CDH8: variants seen among roughly 807,000 people sequenced by gnomAD.
CDH8 encodes cadherin-8.
Under a neutral mutation model 68.1 loss-of-function variants are expected in CDH8, and 17 were observed. The observed-to-expected ratio is 0.25, with a 90% CI of 0.17 to 0.37. The LOEUF (loss-of-function observed/expected upper bound fraction) is 0.37. CDH8 is among the 10% of genes least tolerant of loss of function. The pLI, the probability that CDH8 is intolerant of heterozygous loss-of-function variation, is 1.00. For synonymous variants in CDH8, 372 were observed against 365.1 expected (o/e 1.02, Z -0.21); for missense variants, 763 against 999.3 (o/e 0.76, Z 3.19).
intron 1 of CDH8, among the ~76,000 whole-genome samples, chr16:62,035,706 C>A (rs1902440405): frequency 6.6e-6 from 1 of 152,114 alleles, no homozygotes; most frequent in Admixed American, 6.5e-5. Flanking sequence ...ACGGACCCCG[C>A]AGTGAAGGCG....
chr16:61,790,747 T>C (rs954344515), intron 7 of CDH8, among the ~76,000 whole-genome samples: 2 of 151,944 alleles, frequency 1.3e-5, no homozygotes, highest in African/African-American at 2.4e-5. Context: ...TTTAGTAGAG[T>C]TCATTGAAAA....
intron 2 of CDH8, among the ~76,000 whole-genome samples, chr16:62,001,844 CTG>C (rs1365866062): frequency 6.6e-6 from 1 of 152,094 alleles, no homozygotes; most frequent in Admixed American, 6.5e-5. Flanking sequence ...CTGGTTTTGA[CTG>C]TGAATTCTTT....
intron 4 of CDH8, 95 bp from the exon 5 acceptor site, chr16:61,825,274 C>T: frequency 1.2e-6 from 1 of 860,986 alleles, no homozygotes. Context: ...CACAAGCATA[C>T]ACCAAGTCCC....
chr16:61,939,593 A>T (rs1300890027), intron 2 of CDH8, among the ~76,000 whole-genome samples: 1 of 152,182 alleles, frequency 6.6e-6, no homozygotes, highest in African/African-American at 2.4e-5. Context: ...TTTGTCTATA[A>T]CCTTCAAGTT....
intron 10 of CDH8, among the ~76,000 whole-genome samples, chr16:61,660,635 G>A (rs1963536565): frequency 2.6e-5 from 4 of 151,908 alleles, no homozygotes; most frequent in Admixed American, 2.6e-4. Flanking sequence ...TTCATAAATA[G>A]ACACATCATA....
At chr16:62,035,365 G>C (rs1362613416) in intron 1 of CDH8, among the ~76,000 whole-genome samples, 2 of 152,194 alleles carry the variant, frequency 1.3e-5, no homozygotes, top group African/African-American at 4.8e-5. Context: ...ACGCAATCTC[G>C]AGTTGCGGGG....
At chr16:61,835,141 A>C (rs913726013) in intron 4 of CDH8, among the ~76,000 whole-genome samples, 3 of 151,886 alleles carry the variant, frequency 2.0e-5, no homozygotes, top group Non-Finnish European at 4.4e-5. Flanking sequence ...TAGGTTTTAT[A>C]TATTAACCTC....
chr16:61,661,012 T>C (rs1393084073), intron 10 of CDH8, among the ~76,000 whole-genome samples: 1 of 151,936 alleles, frequency 6.6e-6, no homozygotes, highest in Non-Finnish European at 1.5e-5. Flanking sequence ...ACAATAAGTA[T>C]CTACTTAAAA....
intron 7 of CDH8, among the ~76,000 whole-genome samples, chr16:61,798,149 T>G (rs960844559): frequency 6.6e-6 from 1 of 152,196 alleles, no homozygotes; most frequent in Non-Finnish European, 1.5e-5. Flanking sequence ...AAAATAATAG[T>G]GCATTATGAG....
At chr16:61,778,944 T>C (rs990459581) in intron 8 of CDH8, among the ~76,000 whole-genome samples, 4 of 152,134 alleles carry the variant, frequency 2.6e-5, no homozygotes, top group South Asian at 2.1e-4. Flanking sequence ...GCAATAAAAC[T>C]AGTGTTTTCC....
At chr16:61,981,331 ATTTT>A (rs970258963) in intron 2 of CDH8, among the ~76,000 whole-genome samples, 1 of 152,128 alleles carries the variant, frequency 6.6e-6, no homozygotes, top group African/African-American at 2.4e-5. Context: ...TTGTCTAATC[ATTTT>A]TTTATCACCA....
In CDH8 at chr16:61,706,620, CAA is replaced by C. The variant is rs781148249; in HGVS notation, c.1654+7219_1654+7220del. 3.8e-3 allele frequency among the ~76,000 whole-genome samples: 229 copies of C among 60,362 alleles called. 2 individuals are homozygous for C. The highest frequency in any genetic ancestry group is 0.015 in the South Asian group (24 of 1,612). 39.6% of individuals were successfully genotyped at this position (60,362 alleles called of 152,430 possible). On this transcript the variant is annotated intron_variant, in intron 10 of 11. Coordinates refer to ENST00000577390, the MANE Select transcript of CDH8 (RefSeq NM_001796.5). ...TGGGCACCAGAGCAAGACTCTGTCTCAAAAAAAAAAAAAAAAAAAAAAAAGTG... is the reference window on the plus strand; with the variant it reads ...TGGGCACCAGAGCAAGACTCTGTCTCAAAAAAAAAAAAAAAAAAAAAAGTG...
intron 8 of CDH8, among the ~76,000 whole-genome samples, chr16:61,784,851 GAAAT>G (rs1961194788): frequency 6.6e-6 from 1 of 152,164 alleles, no homozygotes; most frequent in South Asian, 2.1e-4. Context: ...GGTACATAAT[GAAAT>G]AAAGGCAGAA....
At chr16:62,002,120 A>G (rs544296791) in intron 2 of CDH8, among the ~76,000 whole-genome samples, 3 of 152,318 alleles carry the variant, frequency 2.0e-5, no homozygotes, top group African/African-American at 7.2e-5. Context: ...TGTAGAATAA[A>G]TCTATTAATT....
At chr16:61,885,579 G>T (rs1195444998) in intron 3 of CDH8, among the ~76,000 whole-genome samples, 5 of 151,988 alleles carry the variant, frequency 3.3e-5, no homozygotes, top group African/African-American at 9.7e-5. Flanking sequence ...ACGGATACTG[G>T]TATTTCTCCT....
chr16:61,886,595 G>A (rs1274176441), intron 3 of CDH8, among the ~76,000 whole-genome samples: 3 of 152,202 alleles, frequency 2.0e-5, no homozygotes, highest in Non-Finnish European at 4.4e-5. Context: ...CAGTATGTTT[G>A]TAGAACCAGA....
chr16:61,943,163 ACT>A, intron 2 of CDH8, among the ~76,000 whole-genome samples: 1 of 152,104 alleles, frequency 6.6e-6, no homozygotes, highest in Non-Finnish European at 1.5e-5. Context: ...GCATTATATC[ACT>A]CTGTTTCATC....
At chr16:61,684,090 T>C (rs1290067111) in intron 10 of CDH8, among the ~76,000 whole-genome samples, 1 of 152,016 alleles carries the variant, frequency 6.6e-6, no homozygotes, top group East Asian at 1.9e-4. Flanking sequence ...TGGTATTGTG[T>C]CTTGATAATT....
chr16:61,682,514 A>C (rs1189308426), intron 10 of CDH8, among the ~76,000 whole-genome samples: 1 of 151,988 alleles, frequency 6.6e-6, no homozygotes, highest in African/African-American at 2.4e-5. Flanking sequence ...ATGGTCTCAC[A>C]GTTGAATATT....
Sources: gnomAD v4.1 joint callset for allele counts (sites outside exome capture counted in the v4.1 genomes callset) on GRCh38, gnomAD v4.1.1 for gene constraint, MANE v1.5 for transcripts, NCBI Gene and HGNC (gene_info 2026-07-23, HGNC 2026-07-21) for gene names.